Variants in FGD5 observed in about 807,000 individuals in gnomAD.
FGD5 encodes FYVE, RhoGEF and PH domain containing 5.
Under a neutral mutation model 133.4 loss-of-function variants are expected in FGD5, and 28 were observed. That is an observed-to-expected ratio of 0.21 (90% CI 0.16 to 0.29). The LOEUF is 0.29. Ranked by LOEUF, FGD5 falls within the 10% of genes least tolerant of loss-of-function variation. The probability of loss-of-function intolerance (pLI) is 1.00; values close to 1 mark genes in which losing one functional copy is unlikely to be tolerated. For missense variants in FGD5, 1,858 were observed against 1,895.2 expected (o/e 0.98, Z 0.36); for synonymous variants, 810 against 776.5 (o/e 1.04, Z -0.72).
chr3:14,854,910 A>T (rs1325453471), intron 1 of FGD5, among the ~76,000 whole-genome samples: 3 of 152,154 alleles, frequency 2.0e-5, no homozygotes, highest in Non-Finnish European at 2.9e-5. Context: ...ATAATATATG[A>T]TTGATAACTG....
At position 14,934,095 on chromosome 3, in the gene FGD5, A is replaced by C. The variant is rs896311839; in HGVS notation, c.*928A>C. On this transcript the variant is annotated 3_prime_UTR_variant, in exon 20 of 20. Transcript: ENST00000285046. Reference sequence around the variant, plus strand: ...ATGGGAATCTATCCTTCTTTTAGACACACGGTAATCCTTGGGCTGTATTAC... The same window carrying C: ...ATGGGAATCTATCCTTCTTTTAGACCCACGGTAATCCTTGGGCTGTATTAC... The C allele has an allele frequency of 6.6e-6, 1 of 152,216 alleles. No individual in the cohort carries two copies. Among genetic ancestry groups the C allele is most frequent in the African/African-American group, 2.4e-5 (1 of 41,456 alleles). 9.4% of individuals were successfully genotyped at this position (152,216 alleles called of 1,614,324 possible).
At chr3:14,826,106 A>G (rs547861905) in intron 1 of FGD5, among the ~76,000 whole-genome samples, 8 of 152,302 alleles carry the variant, frequency 5.3e-5, no homozygotes, top group Non-Finnish European at 1.0e-4. Context: ...ATACATCAGC[A>G]CAGATCCCTG....
In FGD5 at chr3:14,893,819, G is replaced by T. The variant is rs1439188878; in HGVS notation, c.2749-3690G>T. ...GCCCAAGCTGGAGTGCAGTGGCCATGCAATCTCAGCTCATTGCAACCTCTG... is the reference window on the plus strand; with the variant it reads ...GCCCAAGCTGGAGTGCAGTGGCCATTCAATCTCAGCTCATTGCAACCTCTG... On this transcript the variant is annotated intron_variant, in intron 4 of 19. Transcript: ENST00000285046. Among the ~76,000 whole-genome samples, 4 of 121,890 alleles carry T rather than the reference G, an allele frequency of 3.3e-5. No individual in the cohort carries two copies. The East Asian group carries it at 1.1e-3, about 33-fold the overall frequency. The allele number at this position is 121,890 out of a possible 152,430, so 80.0% of individuals were successfully genotyped here.
At chr3:14,894,342 T>G (rs746620240) in intron 4 of FGD5, among the ~76,000 whole-genome samples, 3 of 152,198 alleles carry the variant, frequency 2.0e-5, no homozygotes, top group Admixed American at 1.3e-4. Context: ...CACATTTTCT[T>G]TATCCATTCA....
rs372240053 is a variant in FGD5 at position 14,880,700 on chromosome 3, G to C, written c.2718-42G>C. The C allele has an allele frequency of 1.9e-6, 3 of 1,613,866 alleles. No homozygotes were observed. The African/African-American group carries it at 4.0e-5, about 22-fold the overall frequency. On this transcript the variant is annotated intron_variant, in intron 3 of 19. Transcript: ENST00000285046. ...AACGTCACCCTCCTGGGCTTACACA[G>C]GATGGGGATTAATGCAGCCTCAACC...
chr3:14,902,608 C>G lies in FGD5; in HGVS notation c.3264+1547C>G, dbSNP rs532768070. ...GTTTTCCATGTGGGTCAGACATGCCCTTTTAATCTTTAAGGTCCTCTCTTC... is the reference window on the plus strand; with the variant it reads ...GTTTTCCATGTGGGTCAGACATGCCGTTTTAATCTTTAAGGTCCTCTCTTC... On this transcript the variant is annotated intron_variant, in intron 9 of 19. Transcript: ENST00000285046. Among the ~76,000 whole-genome samples, 148 of 152,290 alleles carry G rather than the reference C, an allele frequency of 9.7e-4. 1 individual carries two copies. Among genetic ancestry groups the G allele is most frequent in the Admixed American group, 2.0e-3 (31 of 15,304 alleles).
intron 2 of FGD5, among the ~76,000 whole-genome samples, chr3:14,872,688 A>G (rs1196573605): frequency 2.0e-5 from 3 of 152,228 alleles, no homozygotes; most frequent in Non-Finnish European, 4.4e-5. Flanking sequence ...TAGGCCTTAT[A>G]TGTCAAAAGA....
Position 14,898,762 on chromosome 3 carries a change from G to T in FGD5, c.3090G>T (p.Gln1030His). ...EFEQSVQGGS[Q>H]TAKHRLLRVV... ...AGCAGAGTGTACAAGGAGGCAGCCA[G>T]ACTGCGAAGCATCGGCTGCTGCGGG... Residue 1030 changes from glutamine (Q) to histidine (H), a missense_variant, in exon 7 of 20, where the codon CAG becomes CAT. By Grantham distance (24) the Gln-to-His change is conservative. This residue lies in a region of FGD5 where 1,824 missense variants were observed against 1,848.9 expected (regional missense o/e 0.99). Transcript: ENST00000285046. 6.3e-7 allele frequency: 1 copy of T among 1,586,894 alleles called. No individual in the cohort carries two copies. The highest frequency in any genetic ancestry group is 1.2e-5 in the South Asian group (1 of 86,632).
intron 12 of FGD5, among the ~76,000 whole-genome samples, chr3:14,918,091 G>T (rs776078380): frequency 1.3e-5 from 2 of 152,252 alleles, no homozygotes; most frequent in African/African-American, 2.4e-5. Flanking sequence ...GAGTAATACT[G>T]CTGTGAATAT....
intron 4 of FGD5, among the ~76,000 whole-genome samples, chr3:14,889,953 C>T (rs1443985209): frequency 6.6e-6 from 1 of 152,070 alleles, no homozygotes; most frequent in Non-Finnish European, 1.5e-5. Flanking sequence ...CTGGGGATTA[C>T]GCATATTCTC....
chr3:14,908,699 G>T (rs2038385193), intron 10 of FGD5, among the ~76,000 whole-genome samples: 1 of 151,762 alleles, frequency 6.6e-6, no homozygotes, highest in African/African-American at 2.4e-5. Flanking sequence ...AGTCTGGCTA[G>T]CATAGTGAAA....
intron 18 of FGD5, among the ~76,000 whole-genome samples, chr3:14,927,730 A>G (rs1180230040): frequency 6.6e-6 from 1 of 152,114 alleles, no homozygotes; most frequent in Non-Finnish European, 1.5e-5. Context: ...AAAAGCGACT[A>G]TCAAAAATAC....
At chr3:14,901,188 C>CAG in intron 9 of FGD5, 127 bp downstream of exon 9, 2 of 1,013,184 alleles carry the variant, frequency 2.0e-6, no homozygotes, top group Non-Finnish European at 3.1e-6. Flanking sequence ...TGGGACTCTG[C>CAG]AGAGAGCCGT....
intron 2 of FGD5, among the ~76,000 whole-genome samples, chr3:14,872,605 G>A (rs909241601): frequency 5.3e-5 from 8 of 152,242 alleles, no homozygotes; most frequent in East Asian, 1.9e-4. Flanking sequence ...CAGTGTGCAC[G>A]TGTGATAAGC....
intron 1 of FGD5, among the ~76,000 whole-genome samples, chr3:14,841,368 C>A (rs530984647): frequency 6.6e-6 from 1 of 152,280 alleles, no homozygotes; most frequent in Admixed American, 6.5e-5. Context: ...TTCTGAGCCA[C>A]CTCTGTTCAG....
intron 11 of FGD5, among the ~76,000 whole-genome samples, chr3:14,915,070 G>A (rs2038525690): frequency 6.6e-6 from 1 of 152,248 alleles, no homozygotes; most frequent in Admixed American, 6.5e-5. Flanking sequence ...GCTTTGCACA[G>A]CAGCAGAGTT....
intron 2 of FGD5, among the ~76,000 whole-genome samples, chr3:14,865,663 A>G (rs1207601540): frequency 6.6e-6 from 1 of 152,168 alleles, no homozygotes; most frequent in Non-Finnish European, 1.5e-5. Context: ...CAACAACTTC[A>G]AAGTTGGCAC....
At chr3:14,923,919 C>T (rs550754528) in intron 16 of FGD5, 89 bp from the exon 17 acceptor site, 23 of 1,518,720 alleles carry the variant, frequency 1.5e-5, no homozygotes, top group Non-Finnish European at 2.1e-5. Flanking sequence ...GCTCACATTC[C>T]TAGAGGGATT....
intron 4 of FGD5, among the ~76,000 whole-genome samples, chr3:14,881,365 G>A (rs901159692): frequency 2.0e-5 from 3 of 152,158 alleles, no homozygotes; most frequent in Non-Finnish European, 4.4e-5. Context: ...GCTCAGTTCA[G>A]TTCAGCAGAC....
Sources: gnomAD v4.1 joint callset for allele counts (sites outside exome capture counted in the v4.1 genomes callset) on GRCh38, gnomAD v4.1.1 for gene constraint, gnomAD v4.1.1 regional missense constraint, MANE v1.5 for transcripts, NCBI Gene and HGNC (gene_info 2026-07-23, HGNC 2026-07-21) for gene names.